The following AGO3 variants were observed in gnomAD, a reference collection of about 807,000 sequenced individuals.
AGO3 encodes the protein argonaute RISC catalytic component 3.
In AGO3, 16 loss-of-function variants were observed where a neutral mutation model predicts 105.5. The observed-to-expected ratio is 0.15, with a 90% CI of 0.10 to 0.23. AGO3 has a LOEUF of 0.23. AGO3 is among the 10% of genes least tolerant of loss of function. AGO3 has a pLI of 1.00. For synonymous variants in AGO3, 340 were observed against 367.3 expected, an observed-to-expected ratio of 0.93 and a Z score of 0.85; for missense variants, 534 against 1,088.0, an observed-to-expected ratio of 0.49 and a Z score of 7.16.
At chr1:36,040,676 C>A (rs1642206622) in intron 16 of AGO3, among the ~76,000 whole-genome samples, 1 of 152,130 alleles carries the variant, frequency 6.6e-6, no homozygotes, top group Non-Finnish European at 1.5e-5. Flanking sequence ...TGAAGAAACT[C>A]ATGGTTTTAA....
chr1:36,010,316 A>G (rs1172276597), intron 9 of AGO3, among the ~76,000 whole-genome samples: 4 of 152,082 alleles, frequency 2.6e-5, no homozygotes, highest in East Asian at 1.9e-4. Flanking sequence ...GTCTGAATAA[A>G]GAAATGGCTG....
chr1:36,048,423 A>C (rs1642565745), intron 17 of AGO3, among the ~76,000 whole-genome samples: 1 of 152,200 alleles, frequency 6.6e-6, no homozygotes, highest in Non-Finnish European at 1.5e-5. Flanking sequence ...GACCTATAGG[A>C]AATGTTCGAG....
intron 9 of AGO3, among the ~76,000 whole-genome samples, chr1:36,012,954 T>G (rs1459063431): frequency 6.6e-6 from 1 of 151,954 alleles, no homozygotes; most frequent in Middle Eastern, 3.2e-3. Flanking sequence ...TTTTTTCTTT[T>G]GAGACAGGGT....
In AGO3 at chr1:36,067,994, G is replaced by A. The variant is rs1341787956; in HGVS notation, c.*12249G>A. ...TTTCCATGTTTGTATTCTAAAGTTTGTTTCCTTTGACATTCCATTATCTTA... is the reference window on the plus strand; with the variant it reads ...TTTCCATGTTTGTATTCTAAAGTTTATTTCCTTTGACATTCCATTATCTTA... On this transcript the variant is annotated 3_prime_UTR_variant, in exon 19 of 19. Transcript: ENST00000373191. 1 of 152,128 alleles carries A rather than the reference G, an allele frequency of 6.6e-6. No individual in the cohort carries two copies. The highest frequency in any genetic ancestry group is 1.9e-4 in the East Asian group (1 of 5,198). 9.4% of individuals were successfully genotyped at this position (152,128 alleles called of 1,614,324 possible).
intron 3 of AGO3, among the ~76,000 whole-genome samples, chr1:35,971,272 G>A (rs895406951): frequency 3.3e-5 from 5 of 150,224 alleles, no homozygotes; most frequent in African/African-American, 9.8e-5. Context: ...TGATTCTCGT[G>A]CCTCAGCCTC....
At chr1:36,036,376 G>A in intron 14 of AGO3, 109 bp downstream of exon 14, 1 of 1,046,898 alleles carries the variant, frequency 9.6e-7, no homozygotes, top group Non-Finnish European at 1.4e-6. Context: ...TTTCATAAAT[G>A]TTCTTTGGGT....
intron 1 of AGO3, among the ~76,000 whole-genome samples, chr1:35,934,922 C>G (rs777493359): frequency 6.6e-6 from 1 of 152,096 alleles, no homozygotes; most frequent in Admixed American, 6.5e-5. Context: ...AGAAAACAAT[C>G]TTCTTTAATA....
At chr1:35,969,732 G>A (rs1489700103) in intron 3 of AGO3, among the ~76,000 whole-genome samples, 2 of 152,046 alleles carry the variant, frequency 1.3e-5, no homozygotes, top group African/African-American at 4.8e-5. Context: ...GTATACTTAC[G>A]CAAACCTGAA....
intron 11 of AGO3, 119 bp from the exon 12 acceptor site, chr1:36,026,995 T>A (rs1457233646): frequency 8.5e-7 from 1 of 1,173,444 alleles, no homozygotes; most frequent in Non-Finnish European, 1.2e-6. Flanking sequence ...TGACCTCTCA[T>A]ATATGAAGCA....
At chr1:35,965,673 TA>T (rs1371550135) in intron 2 of AGO3, among the ~76,000 whole-genome samples, 1 of 151,884 alleles carries the variant, frequency 6.6e-6, no homozygotes, top group Non-Finnish European at 1.5e-5. Flanking sequence ...GTAGTTTCAG[TA>T]AAACAAAATT....
At chr1:36,018,608 A>AT (rs773800057) in intron 11 of AGO3, among the ~76,000 whole-genome samples, 5 of 151,192 alleles carry the variant, frequency 3.3e-5, no homozygotes, top group South Asian at 2.1e-4. Flanking sequence ...AATTTTTTGT[A>AT]TTTTAGTAGA....
intron 6 of AGO3, chr1:36,005,653 T>C (rs2148811092): frequency 1.1e-6 from 1 of 921,552 alleles, no homozygotes; most frequent in African/African-American, 1.8e-5. Context: ...ACCTCTGATA[T>C]CATGAAGTCA....
intron 16 of AGO3, among the ~76,000 whole-genome samples, chr1:36,041,133 T>C (rs115728575): frequency 6.6e-6 from 1 of 151,274 alleles, no homozygotes; most frequent in African/African-American, 2.4e-5. Context: ...CCATGTTTCC[T>C]TTAAAGTTCA....
In AGO3 at chr1:36,027,543, C is replaced by A. The variant is rs866839423; in HGVS notation, c.1591+245C>A. Reference sequence around the variant, plus strand: ...CTGTAATCCCAGCACTTTGGGAGGCCGAGGCGGGTGGATCACCTGAGGTCA... The same window carrying A: ...CTGTAATCCCAGCACTTTGGGAGGCAGAGGCGGGTGGATCACCTGAGGTCA... On this transcript the variant is annotated intron_variant, in intron 12 of 18. Transcript: ENST00000373191. This position sits in a 1 kb window ranked among gnomAD's most constrained non-coding sequence, Gnocchi z 4.0. Among the ~76,000 whole-genome samples, 1 of 151,786 alleles carries A rather than the reference C, an allele frequency of 6.6e-6. No individual in the cohort carries two copies. The highest frequency in any genetic ancestry group is 1.5e-5 in the Non-Finnish European group (1 of 67,942).
chr1:35,974,699 A>C (rs1230324030), intron 5 of AGO3, among the ~76,000 whole-genome samples: 1 of 152,160 alleles, frequency 6.6e-6, no homozygotes, highest in African/African-American at 2.4e-5. Flanking sequence ...TGTTCTGTTC[A>C]CTGATCGTTG....
rs1322189799 is a variant in AGO3 at position 36,039,508 on chromosome 1, AAAAAAAAAG to A, written c.1843-280_1843-272del. Among the ~76,000 whole-genome samples, 1,315 of 150,566 alleles carry A rather than the reference AAAAAAAAAG, an allele frequency of 8.7e-3. 20 individuals carry two copies. Among genetic ancestry groups the A allele is most frequent in the African/African-American group, 0.03 (1,233 of 40,886 alleles). ...ACTGCGTCTCAAAAAAAAAAAAAAA[AAAAAAAAAG>A]AGAGAAAGAGAGAGAGATGGGGTCT... On this transcript the variant is annotated intron_variant, in intron 14 of 18. Coordinates refer to ENST00000373191, the MANE Select transcript of AGO3 (RefSeq NM_024852.4).
At chr1:35,988,298 A>G (rs1168946817) in intron 5 of AGO3, among the ~76,000 whole-genome samples, 1 of 152,216 alleles carries the variant, frequency 6.6e-6, no homozygotes, top group Non-Finnish European at 1.5e-5. Flanking sequence ...GGTATGTGAG[A>G]GACATAAGAA....
intron 2 of AGO3, among the ~76,000 whole-genome samples, chr1:35,956,545 A>G (rs1646568089): frequency 6.6e-6 from 1 of 152,206 alleles, no homozygotes; most frequent in Non-Finnish European, 1.5e-5. Context: ...TTTACCAGTG[A>G]AAACACACAG....
At chr1:35,998,835 T>A (rs940758515) in intron 5 of AGO3, among the ~76,000 whole-genome samples, 5 of 152,160 alleles carry the variant, frequency 3.3e-5, no homozygotes, top group African/African-American at 1.2e-4. Flanking sequence ...AGTTTTTGTA[T>A]TGTGCTGAAG....
Sources: gnomAD v4.1 joint callset for allele counts (sites outside exome capture counted in the v4.1 genomes callset) on GRCh38, gnomAD v4.1.1 for gene constraint, Gnocchi (gnomAD v3.1) non-coding constraint, MANE v1.5 for transcripts, NCBI Gene and HGNC (gene_info 2026-07-23, HGNC 2026-07-21) for gene names.